Variants in RRBP1 observed in about 807,000 individuals in gnomAD.
The protein encoded by RRBP1 is ribosome binding protein 1.
In RRBP1, 94 loss-of-function variants were observed where a neutral mutation model predicts 165.2. That is an observed-to-expected ratio of 0.57 (90% CI 0.48 to 0.68). RRBP1 has a LOEUF of 0.68. Among genes scored for constraint, RRBP1 ranks in the 30% least tolerant of loss-of-function variants. RRBP1 has a pLI of 0.00. For missense variants in RRBP1, 1,676 were observed against 1,763.0 expected (o/e 0.95, Z 0.88); for synonymous variants, 680 against 714.5 (o/e 0.95, Z 0.77).
chr20:17,641,993 C>CAGAG, intron 4 of RRBP1, 74 bp from the exon 5 acceptor site: 16 of 1,515,312 alleles, frequency 1.1e-5, no homozygotes, highest in Non-Finnish European at 1.3e-5. Context: ...CGGACAAGAG[C>CAGAG]AGAGGCCTGA....
chr20:17,621,074 T>C (rs754700170), intron 16 of RRBP1, among the ~76,000 whole-genome samples: 1 of 152,138 alleles, frequency 6.6e-6, no homozygotes, highest in Non-Finnish European at 1.5e-5. Context: ...CTGCCGGGGT[T>C]TGCCACCAGC....
At position 17,620,486 on chromosome 20, in the gene RRBP1, C is replaced by T. The variant is rs577705111; in HGVS notation, c.3508-116G>A. ...ACTTAGGAAGCCCCGGGGGTGCCCA[C>T]TCCGCCCAGCTGGGACGGTCACCCT... is the stretch of plus-strand genomic sequence containing the variant. On this transcript the variant is annotated intron_variant, in intron 17 of 24. Coordinates refer to ENST00000377813, the MANE Select transcript of RRBP1 (RefSeq NM_001365613.2). 3 of 977,184 alleles carry T rather than the reference C, an allele frequency of 3.1e-6. No homozygotes were observed. The East Asian group carries it at 7.2e-5, about 23-fold the overall frequency. The allele number at this position is 977,184 out of a possible 1,614,324, so 60.5% of individuals were successfully genotyped here.
At position 17,613,866 on chromosome 20, in the gene RRBP1, A is replaced by T. The variant is rs78370397; in HGVS notation, c.*316T>A. ...AAAAACACTAAACGATTGCACTGAC[A>T]GACAGACCCCAGAGCGCCCGGCCTC... On this transcript the variant is annotated 3_prime_UTR_variant, in exon 25 of 25. Transcript: ENST00000377813. 2.7e-3 allele frequency: 870 copies of T among 319,228 alleles called. 11 individuals are homozygous for T. Among genetic ancestry groups the T allele is most frequent in the African/African-American group, 0.017 (821 of 47,456 alleles). The allele number at this position is 319,228 out of a possible 1,614,324, so 19.8% of individuals were successfully genotyped here. A position where few individuals can be genotyped will look rare whatever the true frequency, so the allele number is the denominator to read the frequency against.
chr20:17,620,749 G>T lies in RRBP1; in HGVS notation c.3473C>A (p.Ala1158Asp). The T allele has an allele frequency of 6.2e-7, 1 of 1,607,932 alleles. No homozygotes were observed. The change falls in exon 17 of 25, where the codon GCC becomes GAC. Residue 1158 changes from alanine (A) to aspartate (D), a missense_variant. This residue lies in a region of RRBP1 where 1,184 missense variants were observed against 1,167.1 expected (regional missense o/e 1.01). Coordinates refer to ENST00000377813, the MANE Select transcript of RRBP1 (RefSeq NM_001365613.2). ...SVEEEEQVWRAKVGAAEEELQ... is the reference protein window; with the variant it reads ...SVEEEEQVWRDKVGAAEEELQ... Reference sequence around the variant, plus strand: ...CTCCTCCTCTGCGGCGCCCACCTTGGCCCTCCACACCTGCTCCTCCTCCTC... The same window carrying T: ...CTCCTCCTCTGCGGCGCCCACCTTGTCCCTCCACACCTGCTCCTCCTCCTC...
intron 2 of RRBP1, among the ~76,000 whole-genome samples, chr20:17,668,833 GCTCACTGCA>G (rs1362600599): frequency 3.3e-5 from 5 of 152,192 alleles, no homozygotes; most frequent in Admixed American, 2.6e-4. Context: ...CCCAGGGTCA[GCTCACTGCA>G]GGTCCCAGTC....
rs2036726173 is a variant in RRBP1, at chr20:17,659,842, T to C, written c.666A>G (p.Ala222=). The change falls in exon 3 of 25, where the codon GCA becomes GCG. Residue 222 remains alanine, a synonymous_variant. Transcript: ENST00000377813. ...AEGAPNQGRK[A]EGTPNQGKKT... is the part of the protein sequence containing the mutation. ...TTTTGCCCTGGTTTGGGGTTCCCTCTGCCTTTCTGCCCTGGTTTGGGGCTC... is the reference window on the plus strand; with the variant it reads ...TTTTGCCCTGGTTTGGGGTTCCCTCCGCCTTTCTGCCCTGGTTTGGGGCTC... The C allele has an allele frequency of 1.3e-6, 2 of 1,550,974 alleles. No homozygotes were observed. Among genetic ancestry groups the C allele is most frequent in the Non-Finnish European group, 1.7e-6 (2 of 1,146,882 alleles).
chr20:17,666,808 G>A (rs1195182169), intron 2 of RRBP1, among the ~76,000 whole-genome samples: 1 of 152,208 alleles, frequency 6.6e-6, no homozygotes, highest in Non-Finnish European at 1.5e-5. Flanking sequence ...CTCAGGTTAA[G>A]TAGCATGTCT....
chr20:17,634,148 G>A (rs1264900432), intron 7 of RRBP1, among the ~76,000 whole-genome samples: 3 of 152,236 alleles, frequency 2.0e-5, no homozygotes, highest in Non-Finnish European at 4.4e-5. Flanking sequence ...TACAGAAGGA[G>A]ACTTAAAGGA....
Position 17,660,343 on chromosome 20 carries a change from C to G in RRBP1, c.165G>C (p.Gln55His), listed in dbSNP as rs769358412. 8.1e-6 allele frequency: 13 copies of G among 1,613,736 alleles called. No individual in the cohort carries two copies. In the Admixed American group the frequency reaches 2.2e-4, roughly 27 times the overall value. The change falls in exon 3 of 25, where the codon CAG becomes CAC. Residue 55 changes from glutamine (Q) to histidine (H), a missense_variant. Around this residue, in one of 5 missense-constraint regions of RRBP1, gnomAD observed 392 missense variants for 382.5 expected, o/e 1.02. Transcript: ENST00000377813. ...TCTCCTTCTTTTTCTTCTCGACTTT[C>G]TGGTGGTGAGTTTTCGCCATCTCCT... ...QRKEMAKTHH[Q>H]KVEKKKKEKT...
chr20:17,627,274 C>T (rs1309731686), intron 11 of RRBP1, 74 bp downstream of exon 11: 4 of 1,522,908 alleles, frequency 2.6e-6, no homozygotes, highest in Non-Finnish European at 3.6e-6. Flanking sequence ...CTCCTGAAAA[C>T]CCTGGCCCCC....
chr20:17,617,156 G>C (rs537482682), intron 20 of RRBP1, among the ~76,000 whole-genome samples: 1 of 151,702 alleles, frequency 6.6e-6, no homozygotes, highest in South Asian at 2.1e-4. Context: ...ATGGAACCGG[G>C]GGGTGGCCGC....
At chr20:17,614,562 C>T (rs367612063) in intron 24 of RRBP1, among the ~76,000 whole-genome samples, 175 bp downstream of exon 24, 40 of 152,254 alleles carry the variant, frequency 2.6e-4, no homozygotes, top group East Asian at 9.7e-4. Context: ...CTGAAGCCCT[C>T]GTTAGGAAGT....
intron 3 of RRBP1, among the ~76,000 whole-genome samples, chr20:17,650,110 G>A (rs1385266278): frequency 6.6e-6 from 1 of 152,002 alleles, no homozygotes; most frequent in Non-Finnish European, 1.5e-5. Flanking sequence ...TTGGTATAAT[G>A]AGGGCCTGTT....
At chr20:17,681,482 T>C (rs1335080675) in intron 1 of RRBP1, among the ~76,000 whole-genome samples, 1 of 146,068 alleles carries the variant, frequency 6.8e-6, no homozygotes, top group Admixed American at 6.7e-5. Context: ...ACCGGCGCGC[T>C]CGGCCCGTGG....
At chr20:17,630,916 T>A (rs2036138681) in intron 8 of RRBP1, among the ~76,000 whole-genome samples, 1 of 152,226 alleles carries the variant, frequency 6.6e-6, no homozygotes, top group Non-Finnish European at 1.5e-5. Context: ...TTTAGGGCAA[T>A]GGCTGCACAA....
chr20:17,661,149 C>T (rs550264894), intron 2 of RRBP1, among the ~76,000 whole-genome samples: 5 of 152,326 alleles, frequency 3.3e-5, no homozygotes, highest in African/African-American at 9.6e-5. Context: ...AGCAGGCCCA[C>T]AGTGTGCCAT....
intron 3 of RRBP1, among the ~76,000 whole-genome samples, chr20:17,645,748 A>C (rs2036451748): frequency 1.3e-5 from 2 of 152,236 alleles, no homozygotes; most frequent in Non-Finnish European, 2.9e-5. Context: ...ACTCGAAGAT[A>C]CCAGTAATCT....
intron 3 of RRBP1, among the ~76,000 whole-genome samples, chr20:17,658,015 G>A (rs1482318301): frequency 6.6e-6 from 1 of 152,220 alleles, no homozygotes; most frequent in Non-Finnish European, 1.5e-5. Flanking sequence ...CCAACACGCA[G>A]AACTCTTCTA....
At chr20:17,631,828 C>T (rs2122313680) in intron 8 of RRBP1, among the ~76,000 whole-genome samples, 1 of 152,348 alleles carries the variant, frequency 6.6e-6, no homozygotes, top group South Asian at 2.1e-4. Context: ...AGTGAAGGGG[C>T]CTCAGGTGAA....
Sources: allele counts gnomAD v4.1 joint callset (sites outside exome capture counted in the v4.1 genomes callset), GRCh38; gene constraint gnomAD v4.1.1; regional missense constraint gnomAD v4.1.1; transcripts MANE v1.5; gene names NCBI Gene and HGNC (gene_info 2026-07-23, HGNC 2026-07-21).